The following PADI1 variants were observed in gnomAD, a reference collection of about 807,000 sequenced individuals.
PADI1 encodes peptidyl arginine deiminase 1, also known as protein-arginine deiminase type-1.
PADI1 carries 65 observed loss-of-function variants against 74.8 expected under a neutral mutation model. The ratio of observed to expected loss-of-function variants is 0.87; its 90% confidence interval spans 0.71 to 1.07. The LOEUF is 1.07. Ranked by LOEUF, PADI1 falls within the 50% of genes least tolerant of loss-of-function variation. The pLI is 0.00. For missense variants in PADI1, 943 were observed against 854.0 expected (o/e 1.10, Z -1.30); for synonymous variants, 371 against 336.2 (o/e 1.10, Z -1.13).
chr1:17,227,819 G>A (rs185529699), intron 6 of PADI1, among the ~76,000 whole-genome samples: 70 of 152,264 alleles, frequency 4.6e-4, no homozygotes, highest in African/African-American at 1.6e-3. Flanking sequence ...GCAAAGTCTC[G>A]ACAAGTGAAT....
In PADI1 at chr1:17,212,541, C is replaced by G. The variant is rs954405190; in HGVS notation, c.92+7232C>G. On this transcript the variant is annotated intron_variant, in intron 1 of 15. Coordinates refer to ENST00000375471, the MANE Select transcript of PADI1 (RefSeq NM_013358.3). ...TCTGTGACTGCTGTATTTCTCTTCT[C>G]CCTAGAGACCAGGTGGTACATTTCT... 2.0e-5 allele frequency among the ~76,000 whole-genome samples: 3 copies of G among 152,204 alleles called. No individual in the cohort carries two copies. In the East Asian group the frequency reaches 5.8e-4, roughly 29 times the overall value.
chr1:17,243,057 G>A (rs528935272), intron 15 of PADI1, among the ~76,000 whole-genome samples: 3 of 152,352 alleles, frequency 2.0e-5, no homozygotes, highest in Non-Finnish European at 4.4e-5. Context: ...CGGAGAGTTT[G>A]AGGGCAGAGT....
intron 1 of PADI1, among the ~76,000 whole-genome samples, chr1:17,206,272 C>A (rs1464570941): frequency 6.6e-6 from 1 of 152,216 alleles, no homozygotes; most frequent in Non-Finnish European, 1.5e-5. Context: ...CCTGTACCTG[C>A]TGGTCTGGTT....
At chr1:17,213,857 C>A (rs1392279382) in intron 1 of PADI1, among the ~76,000 whole-genome samples, 2 of 152,228 alleles carry the variant, frequency 1.3e-5, no homozygotes, top group Non-Finnish European at 2.9e-5. Context: ...CTCCGCGTCT[C>A]CTTTTGTGAG....
intron 10 of PADI1, among the ~76,000 whole-genome samples, 173 bp downstream of exon 10, chr1:17,230,852 G>A (rs1206773354): frequency 1.3e-5 from 2 of 152,208 alleles, no homozygotes; most frequent in African/African-American, 4.8e-5. Flanking sequence ...GTTTGGGCAA[G>A]AGAGGAAATG....
intron 1 of PADI1, among the ~76,000 whole-genome samples, chr1:17,218,267 C>T (rs1334904204): frequency 1.3e-5 from 2 of 152,114 alleles, no homozygotes; most frequent in Non-Finnish European, 2.9e-5. Context: ...ATGTATTATA[C>T]TATTATTTTT....
intron 1 of PADI1, among the ~76,000 whole-genome samples, chr1:17,210,572 G>A (rs1310970218): frequency 6.6e-6 from 1 of 152,090 alleles, no homozygotes; most frequent in Non-Finnish European, 1.5e-5. Flanking sequence ...TGCGCCCTCA[G>A]CCTGGGCTCT....
At chr1:17,221,748 G>C (rs896138815) in intron 1 of PADI1, among the ~76,000 whole-genome samples, 1 of 152,216 alleles carries the variant, frequency 6.6e-6, no homozygotes, top group Admixed American at 6.5e-5. Context: ...CTAAGTGAGC[G>C]AGGGAAAGCG....
Position 17,245,991 on chromosome 1 carries a change from G to A in PADI1, c.*1748G>A, listed in dbSNP as rs749384695. On this transcript the variant is annotated 3_prime_UTR_variant, in exon 16 of 16. Transcript: ENST00000375471. The surrounding 1 kb of genome is among the most constrained non-coding windows in gnomAD (Gnocchi z 4.1). Reference sequence around the variant, plus strand: ...CTACTTTCTGATCAATAAAAATGTCGACATGCATTTCTTACAGGGCTGTCT... The same window carrying A: ...CTACTTTCTGATCAATAAAAATGTCAACATGCATTTCTTACAGGGCTGTCT... 2 of 152,196 alleles carry A rather than the reference G, an allele frequency of 1.3e-5. No individual in the cohort carries two copies. Among genetic ancestry groups the A allele is most frequent in the African/African-American group, 4.8e-5 (2 of 41,434 alleles). The allele number at this position is 152,196 out of a possible 1,614,324, so 9.4% of individuals were successfully genotyped here.
intron 10 of PADI1, among the ~76,000 whole-genome samples, chr1:17,232,459 A>G (rs1003046157): frequency 1.3e-5 from 2 of 152,148 alleles, no homozygotes; most frequent in Admixed American, 6.5e-5. Flanking sequence ...CCTCGTCAAC[A>G]TCTCATGAGT....
In PADI1 at chr1:17,244,292, C is replaced by A; in HGVS notation, c.*49C>A. 1 of 1,445,546 alleles carries A rather than the reference C, an allele frequency of 6.9e-7. No homozygotes were observed. Among genetic ancestry groups the A allele is most frequent in the Non-Finnish European group, 9.7e-7 (1 of 1,026,564 alleles). 89.5% of individuals were successfully genotyped at this position (1,445,546 alleles called of 1,614,324 possible). A position where few individuals can be genotyped will look rare whatever the true frequency, so the allele number is the denominator to read the frequency against. On this transcript the variant is annotated 3_prime_UTR_variant, in exon 16 of 16. Transcript: ENST00000375471. ...TCTGCCCTCTTGCTAGGGAACCCTG[C>A]CAGGGTGAAGGCAAGGAACAACCAC...
intron 1 of PADI1, among the ~76,000 whole-genome samples, chr1:17,217,637 T>C (rs569010662): frequency 1.3e-5 from 2 of 152,350 alleles, no homozygotes; most frequent in East Asian, 3.9e-4. Context: ...GCTTAATTAT[T>C]TTACTGCATT....
chr1:17,237,324 C>T lies in PADI1; in HGVS notation c.1324C>T (p.Arg442Trp), dbSNP rs1038313993. Residue 442 changes from arginine (R) to tryptophan (W), a missense_variant, in exon 12 of 16, where the codon CGG becomes TGG. Arg to Trp is a moderately radical substitution (Grantham distance 101). Transcript: ENST00000375471. Reference protein sequence around the residue: ...IGSSFPKSGGRQMARAVRNFL... With the variant: ...IGSSFPKSGGWQMARAVRNFL... Reference sequence around the variant, plus strand: ...CTCCCTCCTGGCCAGGTCCGGTGGGCGGCAGATGGCCAGGGCAGTGCGGAA... The same window carrying T: ...CTCCCTCCTGGCCAGGTCCGGTGGGTGGCAGATGGCCAGGGCAGTGCGGAA... 7 of 1,608,010 alleles carry T rather than the reference C, an allele frequency of 4.4e-6. No homozygotes were observed. Among genetic ancestry groups the T allele is most frequent in the Admixed American group, 3.4e-5 (2 of 59,514 alleles).
At chr1:17,226,468 C>T (rs530856606) in intron 6 of PADI1, among the ~76,000 whole-genome samples, 5 of 152,320 alleles carry the variant, frequency 3.3e-5, no homozygotes, top group Admixed American at 2.0e-4. Context: ...GCCCCACACC[C>T]GTTCCCTCCT....
In PADI1 at chr1:17,243,924, G is replaced by T; in HGVS notation, c.1759-86G>T. The T allele has an allele frequency of 3.3e-6, 3 of 916,512 alleles. No individual in the cohort carries two copies. The South Asian group carries it at 4.8e-5, about 15-fold the overall frequency. The allele number at this position is 916,512 out of a possible 1,614,324, so 56.8% of individuals were successfully genotyped here. Reference sequence around the variant, plus strand: ...GGCTATGGCCAACCCATTCCCCAGGGCCTGTCTCATTCTGGCAAGGAAGGG... The same window carrying T: ...GGCTATGGCCAACCCATTCCCCAGGTCCTGTCTCATTCTGGCAAGGAAGGG... On this transcript the variant is annotated intron_variant, in intron 15 of 15. Transcript: ENST00000375471.
chr1:17,208,366 G>C (rs1283225981), intron 1 of PADI1, among the ~76,000 whole-genome samples: 1 of 150,592 alleles, frequency 6.6e-6, no homozygotes, highest in Non-Finnish European at 1.5e-5. Flanking sequence ...ATGTGCTGCA[G>C]GTCCCATCCC....
intron 1 of PADI1, among the ~76,000 whole-genome samples, chr1:17,205,670 T>C (rs1264930072): frequency 6.6e-6 from 1 of 152,108 alleles, no homozygotes; most frequent in Non-Finnish European, 1.5e-5. Flanking sequence ...GGAAGAGAAC[T>C]GGTTCCCACC....
chr1:17,226,928 G>A (rs2072332165), intron 6 of PADI1, among the ~76,000 whole-genome samples: 1 of 151,920 alleles, frequency 6.6e-6, no homozygotes, highest in Non-Finnish European at 1.5e-5. Context: ...GCAGGTGCCT[G>A]TAGTCCCAGC....
intron 1 of PADI1, among the ~76,000 whole-genome samples, chr1:17,209,953 T>G (rs2071791366): frequency 3.9e-5 from 6 of 151,994 alleles, no homozygotes; most frequent in Admixed American, 2.0e-4. Flanking sequence ...CAGGTTCAAG[T>G]GATTCTCCTG....
Sources: allele counts gnomAD v4.1 joint callset (sites outside exome capture counted in the v4.1 genomes callset), GRCh38; gene constraint gnomAD v4.1.1; non-coding constraint Gnocchi (gnomAD v3.1); transcripts MANE v1.5; gene names NCBI Gene and HGNC (gene_info 2026-07-23, HGNC 2026-07-21).